CNTN5: variants seen among roughly 807,000 people sequenced by gnomAD.
CNTN5 encodes contactin 5, also known as contactin-5.
In CNTN5, 77 loss-of-function variants were observed where a neutral mutation model predicts 129.1. That is an observed-to-expected ratio of 0.60 (90% CI 0.50 to 0.72). CNTN5 has a LOEUF of 0.72. CNTN5 is among the 30% of genes least tolerant of loss of function. The probability of loss-of-function intolerance (pLI) is 0.00; values close to 1 mark genes in which losing one functional copy is unlikely to be tolerated. For synonymous variants in CNTN5, 509 were observed against 465.6 expected (o/e 1.09, Z -1.20); for missense variants, 1,478 against 1,328.8 (o/e 1.11, Z -1.75).
rs71050018 is a variant in CNTN5, at chr11:99,710,567, ATGTGTGTGTGTGTG to A, written c.56-108955_56-108942del. On this transcript the variant is annotated intron_variant, in intron 3 of 24. Coordinates refer to ENST00000524871, the MANE Select transcript of CNTN5 (RefSeq NM_014361.4). ...CTAGATTGTGTGTGTGTGTGTGTGC[ATGTGTGTGTGTGTG>A]TGTGTGTGTGTGTGTGTGTGTATGT... Among the ~76,000 whole-genome samples, 108 of 140,580 alleles carry A rather than the reference ATGTGTGTGTGTGTG, an allele frequency of 7.7e-4. 1 individual carries two copies. Among genetic ancestry groups the A allele is most frequent in the African/African-American group, 2.8e-3 (102 of 36,952 alleles). The allele number at this position is 140,580 out of a possible 152,430, so 92.2% of individuals were successfully genotyped here. A position where few individuals can be genotyped will look rare whatever the true frequency, so the allele number is the denominator to read the frequency against.
chr11:99,201,225 C>T (rs377361330), intron 1 of CNTN5, among the ~76,000 whole-genome samples: 110 of 151,590 alleles, frequency 7.3e-4, no homozygotes, highest in African/African-American at 2.5e-3. Context: ...GGGGTTTCAC[C>T]ATATTGGCCA....
At chr11:99,283,653 A>G (rs1863800487) in intron 1 of CNTN5, among the ~76,000 whole-genome samples, 1 of 152,168 alleles carries the variant, frequency 6.6e-6, no homozygotes, top group Non-Finnish European at 1.5e-5. Flanking sequence ...GCTAGTTTGT[A>G]ACGAGCACTG....
In CNTN5 at chr11:99,048,481, C is replaced by G. The variant is rs544739113; in HGVS notation, c.-210+27211C>G. 1.3e-4 allele frequency among the ~76,000 whole-genome samples: 20 copies of G among 152,186 alleles called. No homozygotes were observed. In the East Asian group the frequency reaches 3.7e-3, roughly 28 times the overall value. ...TTACTTCATATAAATTTTCACATAG[C>G]AAAAATATTACCCAGTATCTTCATT... On this transcript the variant is annotated intron_variant, in intron 1 of 24. Coordinates refer to ENST00000524871, the MANE Select transcript of CNTN5 (RefSeq NM_014361.4).
chr11:99,540,738 C>A (rs1307955010), intron 2 of CNTN5, among the ~76,000 whole-genome samples: 1 of 151,972 alleles, frequency 6.6e-6, no homozygotes, highest in African/African-American at 2.4e-5. Context: ...AGCTACGGGG[C>A]TATGTCTGTC....
chr11:99,834,256 G>A (rs775690670), intron 4 of CNTN5, among the ~76,000 whole-genome samples: 8 of 152,120 alleles, frequency 5.3e-5, no homozygotes, highest in Admixed American at 2.6e-4. Context: ...ATTAGTTTGC[G>A]TTTGTAGATG....
At chr11:99,076,471 C>G (rs1013753194) in intron 1 of CNTN5, among the ~76,000 whole-genome samples, 1 of 152,116 alleles carries the variant, frequency 6.6e-6, no homozygotes, top group African/African-American at 2.4e-5. Flanking sequence ...CACAAGCACA[C>G]ACACACAATT....
intron 2 of CNTN5, among the ~76,000 whole-genome samples, chr11:99,548,426 T>C (rs867062022): frequency 6.6e-6 from 1 of 152,212 alleles, no homozygotes; most frequent in Non-Finnish European, 1.5e-5. Flanking sequence ...AATTACCTGA[T>C]TGGCTACAGC....
At chr11:99,340,442 A>T (rs901101547) in intron 2 of CNTN5, among the ~76,000 whole-genome samples, 109 of 152,210 alleles carry the variant, frequency 7.2e-4, no homozygotes, top group African/African-American at 2.6e-3. Flanking sequence ...TAGGGGGGAA[A>T]AAAAAGCCTG....
At position 100,176,376 on chromosome 11, in the gene CNTN5, T is replaced by C. The variant is rs192273660; in HGVS notation, c.1581-14750T>C. Among the ~76,000 whole-genome samples, 96 of 146,540 alleles carry C rather than the reference T, an allele frequency of 6.6e-4. 1 individual carries two copies. Among genetic ancestry groups the C allele is most frequent in the Non-Finnish European group, 1.2e-3 (84 of 67,994 alleles). ...TGATTGTTATAACGTTACATTGTAT[T>C]ATTTTCAACACTACAGTTATTATTT... On this transcript the variant is annotated intron_variant, in intron 13 of 24. Coordinates refer to ENST00000524871, the MANE Select transcript of CNTN5 (RefSeq NM_014361.4).
chr11:99,238,553 T>C (rs1327063164), intron 1 of CNTN5, among the ~76,000 whole-genome samples: 2 of 152,204 alleles, frequency 1.3e-5, no homozygotes, highest in Admixed American at 1.3e-4. Flanking sequence ...AAAAATTTCA[T>C]AATAACATCA....
intron 13 of CNTN5, among the ~76,000 whole-genome samples, chr11:100,093,809 G>T (rs957484459): frequency 6.6e-6 from 1 of 152,020 alleles, no homozygotes; most frequent in Non-Finnish European, 1.5e-5. Context: ...TGGAAATTCT[G>T]ATGCAGCAGA....
At chr11:99,294,939 A>G (rs1366949061) in intron 1 of CNTN5, among the ~76,000 whole-genome samples, 15 of 152,160 alleles carry the variant, frequency 9.9e-5, no homozygotes, top group Non-Finnish European at 1.2e-4. Context: ...TGTGACCGTA[A>G]CTTAGGGCCT....
chr11:99,721,285 C>G (rs752410991), intron 3 of CNTN5, among the ~76,000 whole-genome samples: 15 of 151,954 alleles, frequency 9.9e-5, no homozygotes, highest in Non-Finnish European at 2.1e-4. Flanking sequence ...GGTGGAAAAA[C>G]AGGCACATAG....
At chr11:100,312,341 ATC>A (rs1225907096) in intron 21 of CNTN5, among the ~76,000 whole-genome samples, 2 of 151,958 alleles carry the variant, frequency 1.3e-5, no homozygotes, top group East Asian at 3.9e-4. Flanking sequence ...AGCTATCAGG[ATC>A]TCTCTTTTCC....
intron 1 of CNTN5, among the ~76,000 whole-genome samples, chr11:99,139,747 G>A (rs1466442828): frequency 1.3e-5 from 2 of 152,034 alleles, no homozygotes; most frequent in East Asian, 3.9e-4. Context: ...CAGCTTTGAT[G>A]TACAAATATT....
At chr11:100,234,406 G>A (rs12293332) in intron 16 of CNTN5, among the ~76,000 whole-genome samples, 3,576 of 152,154 alleles carry the variant, frequency 0.024, 144 homozygotes, top group African/African-American at 0.079. Context: ...AATGCCCATC[G>A]ATGATAGACT....
At position 99,956,845 on chromosome 11, in the gene CNTN5, T is replaced by C. The variant is rs1950815709; in HGVS notation, c.713T>C (p.Phe238Ser). The change falls in exon 8 of 25, where the codon TTT (phenylalanine) becomes TCT (serine). Residue 238 changes from phenylalanine to serine, a missense_variant. Physicochemically the swap from Phe to Ser is radical, Grantham distance 155 (BLOSUM62 -2). Transcript: ENST00000524871. ...YSWVFNEFPSFVAEDSRRFIS... is the reference protein window; with the variant it reads ...YSWVFNEFPSSVAEDSRRFIS... ...TGGGTATTTAATGAGTTCCCTTCCT[T>C]TGTGGCGGAAGACAGCCGGCGGTTC... 6.2e-7 allele frequency: 1 copy of C among 1,613,912 alleles called. No homozygotes were observed. The highest frequency in any genetic ancestry group is 1.3e-5 in the African/African-American group (1 of 75,038).
chr11:99,202,919 G>A (rs1551782), intron 1 of CNTN5, among the ~76,000 whole-genome samples: 116,180 of 151,298 alleles, frequency 0.77, 44,903 homozygotes, highest in East Asian at 0.99. Context: ...GATGTAGGAC[G>A]CATCCAGAAA....
intron 1 of CNTN5, among the ~76,000 whole-genome samples, chr11:99,166,010 C>T (rs1315358590): frequency 2.6e-5 from 4 of 152,122 alleles, no homozygotes; most frequent in African/African-American, 9.7e-5. Flanking sequence ...TTTGGGCAGC[C>T]AGTTCTTTCA....
Sources: allele counts gnomAD v4.1 joint callset (sites outside exome capture counted in the v4.1 genomes callset), GRCh38; gene constraint gnomAD v4.1.1; transcripts MANE v1.5; gene names NCBI Gene and HGNC (gene_info 2026-07-23, HGNC 2026-07-21).